The following NCAM2 variants were observed in gnomAD, a reference collection of about 807,000 sequenced individuals.
NCAM2 encodes the protein neural cell adhesion molecule 2, also known as N-CAM-2.
In NCAM2, 30 loss-of-function variants were observed where a neutral mutation model predicts 98.1. The ratio of observed to expected loss-of-function variants is 0.31; its 90% confidence interval spans 0.23 to 0.41. The LOEUF is 0.41. Among genes scored for constraint, NCAM2 ranks in the 10% least tolerant of loss-of-function variants. The pLI is 1.00. For synonymous variants in NCAM2, 368 were observed against 342.4 expected (o/e 1.07, Z -0.83); for missense variants, 867 against 1,005.8 (o/e 0.86, Z 1.87).
intron 1 of NCAM2, among the ~76,000 whole-genome samples, chr21:21,197,910 A>G (rs2069062568): frequency 6.6e-6 from 1 of 152,310 alleles, no homozygotes; most frequent in Admixed American, 6.5e-5. Flanking sequence ...ACCTTTGGTG[A>G]CAAAATACTG....
chr21:21,146,119 G>A (rs1482699887), intron 1 of NCAM2, among the ~76,000 whole-genome samples: 1 of 152,042 alleles, frequency 6.6e-6, no homozygotes, highest in East Asian at 1.9e-4. Flanking sequence ...ATATGCCATT[G>A]TAAAAATTTT....
intron 1 of NCAM2, among the ~76,000 whole-genome samples, chr21:21,032,270 A>G (rs2064700963): frequency 6.6e-6 from 1 of 152,170 alleles, no homozygotes; most frequent in Non-Finnish European, 1.5e-5. Flanking sequence ...ATCTAATGCA[A>G]ATATGTTTTT....
chr21:21,450,380 A>G (rs1042894537), intron 12 of NCAM2, among the ~76,000 whole-genome samples: 9 of 151,544 alleles, frequency 5.9e-5, no homozygotes, highest in Non-Finnish European at 1.0e-4. Flanking sequence ...GTTTCGCTCT[A>G]TCACCCAGGC....
At chr21:21,147,291 C>T (rs551596386) in intron 1 of NCAM2, 7 of 971,902 alleles carry the variant, frequency 7.2e-6, no homozygotes, top group Middle Eastern at 5.3e-4. Flanking sequence ...AGAATTACTA[C>T]AACATGCTAA....
intron 8 of NCAM2, among the ~76,000 whole-genome samples, chr21:21,349,797 T>C (rs893755944): frequency 1.4e-4 from 22 of 152,176 alleles, no homozygotes; most frequent in Admixed American, 4.6e-4. Flanking sequence ...GAGATCATTG[T>C]GTTAAGTGAA....
intron 9 of NCAM2, among the ~76,000 whole-genome samples, chr21:21,384,795 T>C (rs911166042): frequency 2.6e-5 from 4 of 152,088 alleles, no homozygotes; most frequent in African/African-American, 7.2e-5. Flanking sequence ...TAGAAAGTAA[T>C]ATAATTCTTA....
chr21:21,247,813 T>G (rs896347033), intron 1 of NCAM2, among the ~76,000 whole-genome samples: 1 of 152,222 alleles, frequency 6.6e-6, no homozygotes, highest in Admixed American at 6.5e-5. Flanking sequence ...TCAATTTATC[T>G]GAATGAAAAT....
At chr21:21,283,389 G>A (rs2072994467) in intron 2 of NCAM2, among the ~76,000 whole-genome samples, 1 of 151,722 alleles carries the variant, frequency 6.6e-6, no homozygotes, top group African/African-American at 2.4e-5. Flanking sequence ...ACATCCTTTT[G>A]GTGACTAAAA....
intron 14 of NCAM2, among the ~76,000 whole-genome samples, chr21:21,475,703 A>G (rs891686023): frequency 2.0e-5 from 3 of 152,182 alleles, no homozygotes; most frequent in African/African-American, 7.2e-5. Flanking sequence ...CTGAGTTTCA[A>G]AAATCAAGGC....
At chr21:21,489,322 T>C (rs575639391) in intron 15 of NCAM2, among the ~76,000 whole-genome samples, 2 of 152,168 alleles carry the variant, frequency 1.3e-5, no homozygotes, top group Admixed American at 6.6e-5. Context: ...TAAAATTTAT[T>C]TTCTTTTATC....
At chr21:21,327,379 A>G (rs888217222) in intron 6 of NCAM2, among the ~76,000 whole-genome samples, 2 of 151,392 alleles carry the variant, frequency 1.3e-5, no homozygotes, top group Non-Finnish European at 2.9e-5. Context: ...TCAAGATACC[A>G]GCAGGGTGGC....
At chr21:21,162,024 G>A (rs1197192634) in intron 1 of NCAM2, among the ~76,000 whole-genome samples, 1 of 151,994 alleles carries the variant, frequency 6.6e-6, no homozygotes, top group Non-Finnish European at 1.5e-5. Context: ...CAGAAATGAG[G>A]ATTTTTGACA....
chr21:21,016,542 A>G (rs2064313155), intron 1 of NCAM2, among the ~76,000 whole-genome samples: 1 of 152,026 alleles, frequency 6.6e-6, no homozygotes, highest in Non-Finnish European at 1.5e-5. Flanking sequence ...CTGATGGGCA[A>G]AAAGAGTTGT....
chr21:21,386,399 G>T (rs2148119928), intron 9 of NCAM2, among the ~76,000 whole-genome samples: 1 of 152,252 alleles, frequency 6.6e-6, no homozygotes, highest in Admixed American at 6.5e-5. Flanking sequence ...TTAAGCCAAT[G>T]AAACTTTAAA....
chr21:21,417,348 A>G (rs1017736373), intron 10 of NCAM2, among the ~76,000 whole-genome samples: 1 of 152,104 alleles, frequency 6.6e-6, no homozygotes, highest in Non-Finnish European at 1.5e-5. Flanking sequence ...AAGAGCTGTT[A>G]CAAATTCTAA....
chr21:21,534,176 C>G (rs1989860311), intron 16 of NCAM2, among the ~76,000 whole-genome samples: 1 of 151,450 alleles, frequency 6.6e-6, no homozygotes, highest in Admixed American at 6.6e-5. Flanking sequence ...TCAAATGTGG[C>G]TAGTTAGAGG....
intron 1 of NCAM2, among the ~76,000 whole-genome samples, chr21:21,057,545 G>C (rs73330254): frequency 0.011 from 1,671 of 152,054 alleles, 32 homozygotes; most frequent in African/African-American, 0.038. Context: ...CTTCCTGCTG[G>C]GACAAAGTCC....
chr21:21,351,137 A>AAAAAAAG (rs2075329046), intron 8 of NCAM2, among the ~76,000 whole-genome samples: 1 of 127,638 alleles, frequency 7.8e-6, no homozygotes, highest in African/African-American at 2.8e-5. Flanking sequence ...AAAAAAAAAA[A>AAAAAAAG]AAAAAGAAAC....
intron 1 of NCAM2, among the ~76,000 whole-genome samples, chr21:21,042,907 G>A (rs533167338): frequency 6.6e-6 from 1 of 152,172 alleles, no homozygotes; most frequent in Non-Finnish European, 1.5e-5. Flanking sequence ...TTTATAAAAG[G>A]CAAGGAAAAG....
Sources: allele counts gnomAD v4.1 joint callset (sites outside exome capture counted in the v4.1 genomes callset), GRCh38; gene constraint gnomAD v4.1.1; transcripts MANE v1.5; gene names NCBI Gene and HGNC (gene_info 2026-07-23, HGNC 2026-07-21).